LIMS1: variants seen among roughly 807,000 people sequenced by gnomAD.
LIMS1 encodes LIM zinc finger domain containing 1.
A neutral mutation model predicts 44.1 loss-of-function variants in LIMS1; 18 were observed. The observed-to-expected ratio is 0.41, with a 90% CI of 0.28 to 0.61. LIMS1 has a LOEUF of 0.61. Ranked by LOEUF, LIMS1 falls within the 20% of genes least tolerant of loss-of-function variation. The pLI, the probability that LIMS1 is intolerant of heterozygous loss-of-function variation, is 0.32. For synonymous variants in LIMS1, 93 were observed against 149.1 expected (o/e 0.62, Z 2.74); for missense variants, 201 against 422.0 (o/e 0.48, Z 4.59).
chr2:108,618,959 C>CTT (rs762729348), intron 1 of LIMS1, among the ~76,000 whole-genome samples: 30 of 152,110 alleles, frequency 2.0e-4, no homozygotes, highest in Non-Finnish European at 3.1e-4. Context: ...TCAGTACAGC[C>CTT]TTTTTAAAAG....
At chr2:108,583,907 T>C (rs1037757312) in intron 1 of LIMS1, among the ~76,000 whole-genome samples, 14 of 152,116 alleles carry the variant, frequency 9.2e-5, no homozygotes, top group Non-Finnish European at 1.5e-5. Context: ...TTGGCCAGGC[T>C]GATTTTGAAC....
At chr2:108,606,336 ACTTTACATTTTTAAAAATT>A (rs1687265006) in intron 1 of LIMS1, among the ~76,000 whole-genome samples, 1 of 152,218 alleles carries the variant, frequency 6.6e-6, no homozygotes, top group African/African-American at 2.4e-5. Context: ...TGAAGGTCAG[ACTTTACATTTTTAAAAATT>A]CACCAAGGTG....
chr2:108,622,196 G>C (rs375688959), intron 1 of LIMS1, among the ~76,000 whole-genome samples: 14 of 152,276 alleles, frequency 9.2e-5, no homozygotes, highest in African/African-American at 3.4e-4. Context: ...GCAGTAAAGA[G>C]AGACTTCCTT....
At chr2:108,636,554 T>TAG (rs1462954754) in intron 1 of LIMS1, among the ~76,000 whole-genome samples, 1 of 152,142 alleles carries the variant, frequency 6.6e-6, no homozygotes, top group Non-Finnish European at 1.5e-5. Flanking sequence ...GTGCTGCTCA[T>TAG]AGAGGACAAA....
chr2:108,582,407 G>A (rs1412491409), intron 1 of LIMS1, among the ~76,000 whole-genome samples: 1 of 152,220 alleles, frequency 6.6e-6, no homozygotes, highest in Non-Finnish European at 1.5e-5. Flanking sequence ...AAACACCTTT[G>A]TATAATGATG....
At chr2:108,568,629 T>G (rs1012777291) in intron 1 of LIMS1, among the ~76,000 whole-genome samples, 1 of 152,184 alleles carries the variant, frequency 6.6e-6, no homozygotes, top group Non-Finnish European at 1.5e-5. Context: ...ACCCACACCA[T>G]TTTACACCAA....
At chr2:108,604,115 C>A (rs796861774) in intron 1 of LIMS1, among the ~76,000 whole-genome samples, 14 of 152,184 alleles carry the variant, frequency 9.2e-5, no homozygotes, top group African/African-American at 3.4e-4. Context: ...ATATTGTTTC[C>A]TTTCCATGTA....
At chr2:108,617,347 A>G (rs1000051096) in intron 1 of LIMS1, among the ~76,000 whole-genome samples, 3 of 152,224 alleles carry the variant, frequency 2.0e-5, no homozygotes, top group African/African-American at 7.2e-5. Context: ...ACAAATGGAA[A>G]ATGTTTATAC....
chr2:108,558,333 T>C (rs1036179566), intron 1 of LIMS1, among the ~76,000 whole-genome samples: 1 of 151,952 alleles, frequency 6.6e-6, no homozygotes, highest in Non-Finnish European at 1.5e-5. Flanking sequence ...TTCTCCTGCC[T>C]CAAACTCCCA....
chr2:108,556,626 C>T (rs77577034), intron 1 of LIMS1, among the ~76,000 whole-genome samples: 1 of 152,154 alleles, frequency 6.6e-6, no homozygotes, highest in African/African-American at 2.4e-5. Flanking sequence ...CTTTCCTTCC[C>T]TCCCTTCCTT....
chr2:108,576,474 C>G (rs1161261164), intron 1 of LIMS1, among the ~76,000 whole-genome samples: 5 of 152,174 alleles, frequency 3.3e-5, no homozygotes, highest in African/African-American at 1.2e-4. Context: ...GATCTTGGCT[C>G]ACTGCGACCT....
At chr2:108,582,281 C>T (rs1225679767) in intron 1 of LIMS1, among the ~76,000 whole-genome samples, 5 of 152,054 alleles carry the variant, frequency 3.3e-5, no homozygotes, top group East Asian at 3.9e-4. Context: ...TAGTTTATCT[C>T]GATGGTTTCA....
chr2:108,674,582 G>C (rs1346148406), intron 5 of LIMS1, among the ~76,000 whole-genome samples: 1 of 149,276 alleles, frequency 6.7e-6, no homozygotes, highest in African/African-American at 2.5e-5. Flanking sequence ...TTAGCCAGGC[G>C]TGGTGGTGGG....
intron 1 of LIMS1, among the ~76,000 whole-genome samples, chr2:108,554,115 G>T (rs1684845678): frequency 6.6e-6 from 1 of 152,078 alleles, no homozygotes; most frequent in African/African-American, 2.4e-5. Context: ...CATTTTCTCT[G>T]GGAAATCCAT....
At chr2:108,575,378 C>G (rs1379937604) in intron 1 of LIMS1, among the ~76,000 whole-genome samples, 1 of 152,196 alleles carries the variant, frequency 6.6e-6, no homozygotes, top group African/African-American at 2.4e-5. Flanking sequence ...CCTGAGTCCT[C>G]TCAGTTAGCT....
At chr2:108,626,440 C>A (rs1382287295) in intron 1 of LIMS1, among the ~76,000 whole-genome samples, 2 of 152,140 alleles carry the variant, frequency 1.3e-5, no homozygotes, top group African/African-American at 2.4e-5. Flanking sequence ...TTTAAAAGTT[C>A]ATAGTGCTTA....
At chr2:108,551,592 G>A (rs1184919995) in intron 1 of LIMS1, among the ~76,000 whole-genome samples, 1 of 134,834 alleles carries the variant, frequency 7.4e-6, no homozygotes, top group African/African-American at 2.9e-5. Flanking sequence ...CCAAGGCATG[G>A]TTCCTATATA....
intron 9 of LIMS1, among the ~76,000 whole-genome samples, chr2:108,683,018 C>A (rs1693104868): frequency 6.6e-6 from 1 of 152,162 alleles, no homozygotes; most frequent in Admixed American, 6.5e-5. Context: ...TTCTCCAGGA[C>A]CATTTTAAAA....
chr2:108,593,968 A>T (rs1380726304), intron 1 of LIMS1, among the ~76,000 whole-genome samples: 2 of 152,180 alleles, frequency 1.3e-5, no homozygotes, highest in East Asian at 3.8e-4. Context: ...ACTTGAGGGG[A>T]AGGAAGTGTT....
Sources: allele counts gnomAD v4.1 joint callset (sites outside exome capture counted in the v4.1 genomes callset), GRCh38; gene constraint gnomAD v4.1.1; transcripts MANE v1.5; gene names NCBI Gene and HGNC (gene_info 2026-07-23, HGNC 2026-07-21).